DMD: variants seen among roughly 807,000 people sequenced by gnomAD.
The protein encoded by DMD is dystrophin.
DMD carries 63 observed loss-of-function variants against 330.1 expected under a neutral mutation model. The ratio of observed to expected loss-of-function variants is 0.19; its 90% confidence interval spans 0.16 to 0.24. DMD has a LOEUF of 0.24. DMD is among the 10% of genes least tolerant of loss of function. The pLI is 1.00. For synonymous variants in DMD, 1,223 were observed against 959.8 expected, an observed-to-expected ratio of 1.27 and a Z score of -5.07; for missense variants, 3,344 against 2,684.1, an observed-to-expected ratio of 1.25 and a Z score of -5.43.
chrX:31,706,780 A>G (rs902932397), intron 52 of DMD, among the ~76,000 whole-genome samples: 2 of 112,469 alleles, frequency 1.8e-5, no homozygotes, highest in Non-Finnish European at 3.8e-5. Flanking sequence ...TGAAAATTAG[A>G]AAGAGTTGTG....
At chrX:32,504,145 G>C (rs998702579) in intron 18 of DMD, among the ~76,000 whole-genome samples, 4 of 111,745 alleles carry the variant, frequency 3.6e-5, no homozygotes, top group African/African-American at 1.3e-4. Flanking sequence ...AGTTTATCTA[G>C]GCATAAACCT....
At chrX:32,806,435 C>T (rs770957554) in intron 7 of DMD, among the ~76,000 whole-genome samples, 1 of 111,327 alleles carries the variant, frequency 9.0e-6, no homozygotes, top group South Asian at 3.8e-4. Context: ...TACAGGAGCA[C>T]CCAGATTCAT....
chrX:31,644,237 A>G (rs1286471315), intron 54 of DMD, among the ~76,000 whole-genome samples: 1 of 111,843 alleles, frequency 8.9e-6, no homozygotes, highest in East Asian at 2.8e-4. Flanking sequence ...AGTAGAAAAG[A>G]CTTACTAGAA....
intron 51 of DMD, among the ~76,000 whole-genome samples, chrX:31,747,711 G>A (rs1324369936): frequency 1.8e-5 from 2 of 111,645 alleles, no homozygotes; most frequent in African/African-American, 6.5e-5. Flanking sequence ...GCTTCTAAAC[G>A]GTGAGCTTCT....
At chrX:33,070,165 C>A (rs915223621) in intron 1 of DMD, among the ~76,000 whole-genome samples, 1 of 111,808 alleles carries the variant, frequency 8.9e-6, no homozygotes, top group Non-Finnish European at 1.9e-5. Flanking sequence ...CTCATCTAAA[C>A]ATTGAAATAA....
Position 31,697,598 on chromosome X carries a change from C to T in DMD, c.7661-18012G>A, listed in dbSNP as rs976901540. ...AAGAAACAGTTCAGTTGATTGAATA[C>T]GAACCAATCTTTCACTTCAAGTTTT... is the stretch of plus-strand genomic sequence containing the variant. On this transcript the variant is annotated intron_variant, in intron 52 of 78. Transcript: ENST00000357033. Among the ~76,000 whole-genome samples, 4 of 112,056 alleles carry T rather than the reference C, an allele frequency of 3.6e-5. No individual in the cohort carries two copies. In the East Asian group the frequency reaches 8.4e-4, roughly 24 times the overall value.
chrX:32,958,793 A>G (rs1479026532), intron 2 of DMD, among the ~76,000 whole-genome samples: 2 of 111,131 alleles, frequency 1.8e-5, no homozygotes, highest in African/African-American at 6.5e-5. Context: ...CATTCACTTA[A>G]CTTCTACATG....
chrX:32,240,668 G>A (rs1192524635), intron 43 of DMD, among the ~76,000 whole-genome samples: 1 of 111,348 alleles, frequency 9.0e-6, no homozygotes, highest in Non-Finnish European at 1.9e-5. Context: ...AGGTGAAGAG[G>A]GACTGCTGGT....
At chrX:31,769,311 G>C (rs1007306078) in intron 51 of DMD, among the ~76,000 whole-genome samples, 1 of 112,302 alleles carries the variant, frequency 8.9e-6, no homozygotes, top group Non-Finnish European at 1.9e-5. Context: ...TCACATTCCA[G>C]TCTTTGTTGA....
Position 32,640,601 on chromosome X carries a change from C to T in DMD, c.1331+3531G>A, listed in dbSNP as rs760343892. Among the ~76,000 whole-genome samples the T allele has an allele frequency of 7.2e-5, 8 of 110,546 alleles. No homozygotes were observed. The South Asian group carries it at 1.2e-3, about 16-fold the overall frequency. ...CAGTCTATTTCCAAAGGAAAAAGCACTTTTACTGTCAAAAGGAAAAAAAAA... is the reference window on the plus strand; with the variant it reads ...CAGTCTATTTCCAAAGGAAAAAGCATTTTTACTGTCAAAAGGAAAAAAAAA... On this transcript the variant is annotated intron_variant, in intron 11 of 78. Coordinates refer to ENST00000357033, the MANE Select transcript of DMD (RefSeq NM_004006.3).
intron 44 of DMD, among the ~76,000 whole-genome samples, chrX:31,972,669 T>C (rs948171154): frequency 8.9e-6 from 1 of 111,759 alleles, no homozygotes; most frequent in Non-Finnish European, 1.9e-5. Context: ...GGAAACTTCA[T>C]TGAACAAGGA....
chrX:32,650,285 T>C (rs1428601997), intron 9 of DMD, among the ~76,000 whole-genome samples: 1 of 111,738 alleles, frequency 8.9e-6, no homozygotes, highest in Admixed American at 9.5e-5. Flanking sequence ...AAAAACAGTT[T>C]TATTGGTCTT....
chrX:32,829,833 C>T (rs1430632161), intron 4 of DMD, among the ~76,000 whole-genome samples: 1 of 111,390 alleles, frequency 9.0e-6, no homozygotes, highest in Non-Finnish European at 1.9e-5. Flanking sequence ...ATGAAGCTTC[C>T]ACAAGGTCTG....
At chrX:31,122,360 T>C (rs2032789771) in intron 78 of DMD, among the ~76,000 whole-genome samples, 1 of 111,213 alleles carries the variant, frequency 9.0e-6, no homozygotes, top group Non-Finnish European at 1.9e-5. Context: ...ACGAACATTT[T>C]TTTTACTATC....
intron 44 of DMD, among the ~76,000 whole-genome samples, chrX:31,989,912 T>C (rs2095538367): frequency 9.0e-6 from 1 of 111,157 alleles, no homozygotes; most frequent in African/African-American, 3.3e-5. Flanking sequence ...ATCACCCAGA[T>C]AGTGAACATA....
At chrX:32,686,920 C>A (rs1478651076) in intron 9 of DMD, among the ~76,000 whole-genome samples, 1 of 111,398 alleles carries the variant, frequency 9.0e-6, no homozygotes, top group Non-Finnish European at 1.9e-5. Flanking sequence ...GGATCCTAGA[C>A]CAAATATTTC....
chrX:32,350,321 A>T (rs758438252), intron 37 of DMD, among the ~76,000 whole-genome samples: 16 of 110,917 alleles, frequency 1.4e-4, no homozygotes, highest in Admixed American at 9.6e-5. Context: ...TTGAATTCCC[A>T]TCTAGACTCT....
chrX:31,701,803 A>G (rs1042732780), intron 52 of DMD, among the ~76,000 whole-genome samples: 1 of 112,544 alleles, frequency 8.9e-6, no homozygotes, highest in Non-Finnish European at 1.9e-5. Context: ...TTAGAAATGC[A>G]GAATCTCAGG....
chrX:31,135,786 CTGTT>C (rs1460520108), intron 76 of DMD, among the ~76,000 whole-genome samples: 2 of 112,461 alleles, frequency 1.8e-5, no homozygotes, highest in Non-Finnish European at 3.8e-5. Flanking sequence ...TATTCAAGCT[CTGTT>C]TGTTTTGCAC....
Sources: allele counts gnomAD v4.1 joint callset (sites outside exome capture counted in the v4.1 genomes callset), GRCh38; gene constraint gnomAD v4.1.1; transcripts MANE v1.5; gene names NCBI Gene and HGNC (gene_info 2026-07-23, HGNC 2026-07-21).